Variants in TMEM132D observed in about 807,000 individuals in gnomAD.
The protein encoded by TMEM132D is transmembrane protein 132D.
A neutral mutation model predicts 62.3 loss-of-function variants in TMEM132D; 21 were observed. The ratio of observed to expected loss-of-function variants is 0.34; its 90% CI spans 0.24 to 0.49. TMEM132D has a LOEUF of 0.49. Among genes scored for constraint, TMEM132D ranks in the 20% least tolerant of loss-of-function variants. TMEM132D has a pLI of 0.99. For missense variants in TMEM132D, 1,346 were observed against 1,402.8 expected, an observed-to-expected ratio of 0.96 and a Z score of 0.65; for synonymous variants, 621 against 575.6, an observed-to-expected ratio of 1.08 and a Z score of -1.13.
At chr12:129,573,505 G>C (rs1290782467) in intron 2 of TMEM132D, among the ~76,000 whole-genome samples, 1 of 152,180 alleles carries the variant, frequency 6.6e-6, no homozygotes, top group African/African-American at 2.4e-5. Context: ...TTAGTAAGTG[G>C]GAGAGGTAGA....
chr12:129,622,529 A>G (rs1879101269), intron 2 of TMEM132D, among the ~76,000 whole-genome samples: 1 of 152,194 alleles, frequency 6.6e-6, no homozygotes, highest in Admixed American at 6.5e-5. Context: ...ACTTCTCTAC[A>G]TATAGAAAAG....
At chr12:129,891,328 C>A in intron 1 of TMEM132D, among the ~76,000 whole-genome samples, 1 of 152,276 alleles carries the variant, frequency 6.6e-6, no homozygotes, top group African/African-American at 2.4e-5. Context: ...CAACTCATCT[C>A]GGGGCAAAGG....
chr12:129,139,809 C>T (rs998843908), intron 5 of TMEM132D, among the ~76,000 whole-genome samples: 2 of 152,142 alleles, frequency 1.3e-5, no homozygotes, highest in Admixed American at 6.5e-5. Flanking sequence ...CTTCTGCACT[C>T]AAATGATCCT....
intron 2 of TMEM132D, among the ~76,000 whole-genome samples, chr12:129,685,540 C>A (rs1880887832): frequency 1.3e-5 from 2 of 152,200 alleles, no homozygotes; most frequent in Non-Finnish European, 2.9e-5. Context: ...CAGAAGACTG[C>A]TACAGGGGCA....
intron 4 of TMEM132D, among the ~76,000 whole-genome samples, chr12:129,289,623 C>A (rs1393288930): frequency 6.6e-6 from 1 of 150,864 alleles, no homozygotes; most frequent in Non-Finnish European, 1.5e-5. Context: ...GTGCTTGCTG[C>A]AATTGAAAAA....
intron 4 of TMEM132D, among the ~76,000 whole-genome samples, chr12:129,289,066 G>A (rs369728557): frequency 1.6e-4 from 24 of 152,160 alleles, no homozygotes; most frequent in African/African-American, 5.5e-4. Flanking sequence ...ACTCATAGAA[G>A]CAGACAGTAG....
intron 3 of TMEM132D, among the ~76,000 whole-genome samples, chr12:129,431,367 A>C (rs536177820): frequency 8.5e-5 from 13 of 152,236 alleles, no homozygotes; most frequent in African/African-American, 3.1e-4. Context: ...TTCCCTGTTT[A>C]TCTCTCACAG....
At chr12:129,621,097 C>T (rs532137847) in intron 2 of TMEM132D, among the ~76,000 whole-genome samples, 29 of 152,196 alleles carry the variant, frequency 1.9e-4, no homozygotes, top group Non-Finnish European at 3.7e-4. Context: ...GCTTTGGTGA[C>T]CTTCAGTGTT....
At chr12:129,800,757 A>T (rs893752020) in intron 1 of TMEM132D, among the ~76,000 whole-genome samples, 23 of 152,260 alleles carry the variant, frequency 1.5e-4, no homozygotes, top group Non-Finnish European at 2.4e-4. Context: ...GCTCCCAGCG[A>T]GAGCGACGCA....
intron 7 of TMEM132D, among the ~76,000 whole-genome samples, chr12:129,080,295 T>C (rs1338925162): frequency 6.6e-6 from 1 of 152,192 alleles, no homozygotes; most frequent in Non-Finnish European, 1.5e-5. Context: ...TGGCTCTGAG[T>C]AAGAGCTTGC....
intron 5 of TMEM132D, among the ~76,000 whole-genome samples, chr12:129,094,311 C>G (rs898546135): frequency 3.9e-5 from 6 of 152,164 alleles, no homozygotes; most frequent in African/African-American, 1.4e-4. Context: ...CCAGAATCTA[C>G]AATGAACTCA....
chr12:129,120,426 A>C (rs958140041), intron 5 of TMEM132D, among the ~76,000 whole-genome samples: 2 of 152,174 alleles, frequency 1.3e-5, no homozygotes, highest in Non-Finnish European at 2.9e-5. Context: ...CTTACTGGGA[A>C]AGTGTAAGTC....
At chr12:129,809,526 T>A (rs1253784195) in intron 1 of TMEM132D, among the ~76,000 whole-genome samples, 1 of 152,010 alleles carries the variant, frequency 6.6e-6, no homozygotes, top group Non-Finnish European at 1.5e-5. Context: ...GCTTCCTGCA[T>A]GAAGAAATGG....
intron 4 of TMEM132D, among the ~76,000 whole-genome samples, chr12:129,330,295 C>T (rs761148305): frequency 1.8e-4 from 28 of 152,080 alleles, no homozygotes; most frequent in African/African-American, 3.9e-4. Context: ...AAATATCACA[C>T]GTCAGGAGGG....
At chr12:129,407,968 G>A (rs760958191) in intron 3 of TMEM132D, among the ~76,000 whole-genome samples, 2 of 151,682 alleles carry the variant, frequency 1.3e-5, no homozygotes, top group Non-Finnish European at 2.9e-5. Context: ...AGACTGGAGA[G>A]CTTTCACCTG....
At chr12:129,463,264 TA>T (rs1873743150) in intron 3 of TMEM132D, among the ~76,000 whole-genome samples, 1 of 152,086 alleles carries the variant, frequency 6.6e-6, no homozygotes, top group African/African-American at 2.4e-5. Context: ...TTATTTTATT[TA>T]TTTTTTTTGA....
intron 1 of TMEM132D, among the ~76,000 whole-genome samples, chr12:129,736,550 G>A (rs373225540): frequency 6.6e-6 from 1 of 152,062 alleles, no homozygotes; most frequent in South Asian, 2.1e-4. Context: ...GCAGCTGAAC[G>A]TGGAGCTACA....
At chr12:129,588,388 C>G (rs972104013) in intron 2 of TMEM132D, among the ~76,000 whole-genome samples, 3 of 152,096 alleles carry the variant, frequency 2.0e-5, no homozygotes, top group Non-Finnish European at 4.4e-5. Context: ...AATCACTCGT[C>G]AATACATATT....
At chr12:129,265,958 T>A (rs1288557887) in intron 4 of TMEM132D, among the ~76,000 whole-genome samples, 1 of 152,176 alleles carries the variant, frequency 6.6e-6, no homozygotes, top group Non-Finnish European at 1.5e-5. Flanking sequence ...ATGGGGGACC[T>A]TTGTCTGTTA....
Sources: allele counts gnomAD v4.1 joint callset (sites outside exome capture counted in the v4.1 genomes callset), GRCh38; gene constraint gnomAD v4.1.1; transcripts MANE v1.5; gene names NCBI Gene and HGNC (gene_info 2026-07-23, HGNC 2026-07-21).